Variants in ANKRD55 observed in about 807,000 individuals in gnomAD.
The protein encoded by ANKRD55 is ankyrin repeat domain 55.
A neutral mutation model predicts 60.6 loss-of-function variants in ANKRD55; 41 were observed. That is an observed-to-expected ratio of 0.68 (90% CI 0.53 to 0.88). The LOEUF (loss-of-function observed/expected upper bound fraction) is 0.88. ANKRD55 is among the 40% of genes least tolerant of loss of function. The probability of loss-of-function intolerance (pLI) is 0.00; values close to 1 mark genes in which losing one functional copy is unlikely to be tolerated. For missense variants in ANKRD55, 732 were observed against 767.6 expected (o/e 0.95, Z 0.55); for synonymous variants, 264 against 290.3 (o/e 0.91, Z 0.92).
chr5:56,228,570 C>T (rs982633663), intron 2 of ANKRD55, among the ~76,000 whole-genome samples: 5 of 151,924 alleles, frequency 3.3e-5, no homozygotes, highest in African/African-American at 1.2e-4. Flanking sequence ...GGACTACAGG[C>T]GCATGACACC....
chr5:56,137,254 A>C, intron 7 of ANKRD55: 1 of 1,604,516 alleles, frequency 6.2e-7, no homozygotes, highest in Middle Eastern at 2.1e-4. Context: ...TTTTTGCTGC[A>C]CATGCTTAAA....
chr5:56,104,831 A>G (rs1756406689), intron 10 of ANKRD55, among the ~76,000 whole-genome samples: 1 of 152,210 alleles, frequency 6.6e-6, no homozygotes, highest in Non-Finnish European at 1.5e-5. Context: ...TTGAAGCTCC[A>G]TGAGTAGTGC....
rs562064865 is a variant in ANKRD55 at position 56,178,231 on chromosome 5, C to A, written c.182-1949G>T. On this transcript the variant is annotated intron_variant, in intron 3 of 11. Transcript: ENST00000341048. ...TTGAGACGGCATCTTGCTCTGTTGC[C>A]CAGGCTGGAGTGCAGTGGTGTGATC... Among the ~76,000 whole-genome samples, 15 of 151,248 alleles carry A rather than the reference C, an allele frequency of 9.9e-5. No homozygotes were observed. The South Asian group carries it at 2.3e-3, about 23-fold the overall frequency.
At chr5:56,215,673 T>A (rs1759787247) in intron 2 of ANKRD55, among the ~76,000 whole-genome samples, 1 of 152,190 alleles carries the variant, frequency 6.6e-6, no homozygotes, top group African/African-American at 2.4e-5. Flanking sequence ...GAAGCCTGAG[T>A]TAACATGACA....
At chr5:56,221,665 A>G (rs138476621) in intron 2 of ANKRD55, among the ~76,000 whole-genome samples, 137 of 152,358 alleles carry the variant, frequency 9.0e-4, no homozygotes, top group African/African-American at 3.1e-3. Flanking sequence ...TGCTTTTCCA[A>G]CCATCTTAGC....
At chr5:56,134,269 G>A (rs1412860766) in intron 7 of ANKRD55, among the ~76,000 whole-genome samples, 1 of 115,400 alleles carries the variant, frequency 8.7e-6, no homozygotes, top group Non-Finnish European at 2.1e-5. Flanking sequence ...ATCTGAATAC[G>A]TTTATGTCTA....
intron 8 of ANKRD55, among the ~76,000 whole-genome samples, chr5:56,120,899 CA>C (rs34532327): frequency 0.034 from 2,739 of 81,084 alleles, 28 homozygotes; most frequent in African/African-American, 0.063. Context: ...GACTCCGTCT[CA>C]AAAAAAAAAA....
intron 5 of ANKRD55, among the ~76,000 whole-genome samples, chr5:56,165,728 G>A (rs112104491): frequency 9.9e-5 from 15 of 152,190 alleles, no homozygotes; most frequent in African/African-American, 3.6e-4. Context: ...TTGGGAGTTC[G>A]AGACCAGCCT....
intron 4 of ANKRD55, among the ~76,000 whole-genome samples, chr5:56,171,328 T>A (rs35930212): frequency 0.068 from 10,429 of 152,274 alleles, 502 homozygotes; most frequent in African/African-American, 0.13. Flanking sequence ...TTCCAAAGGT[T>A]TCCCATTGCT....
chr5:56,170,585 A>T, intron 5 of ANKRD55, 109 bp downstream of exon 5: 177 of 740,428 alleles, frequency 2.4e-4, no homozygotes, highest in Non-Finnish European at 3.1e-4. Context: ...AAAAAAAAAG[A>T]TGGTTTTCTT....
intron 6 of ANKRD55, among the ~76,000 whole-genome samples, chr5:56,151,777 C>A (rs1758052362): frequency 6.7e-6 from 1 of 149,560 alleles, no homozygotes; most frequent in African/African-American, 2.5e-5. Flanking sequence ...AGTGCCACTG[C>A]ATTCTAGCCT....
rs1554040810 is a variant in ANKRD55 at position 56,166,153 on chromosome 5, T to TCCTTC, written c.422+4540_422+4541insGAAGG. Among the ~76,000 whole-genome samples, 141 of 49,436 alleles carry TCCTTC rather than the reference T, an allele frequency of 2.9e-3. 6 individuals are homozygous for TCCTTC. The highest frequency in any genetic ancestry group is 5.5e-3 in the Admixed American group (26 of 4,690). The allele number at this position is 49,436 out of a possible 152,430, so 32.4% of individuals were successfully genotyped here. ...TTCTTTCTTTCTTTCTTTCTTTCTT[T>TCCTTC]CTTCTTTCCTTCCTTCCTTCCTTCC... is the stretch of plus-strand genomic sequence containing the variant. On this transcript the variant is annotated intron_variant, in intron 5 of 11. Transcript: ENST00000341048.
At chr5:56,156,449 G>T (rs985903266) in intron 6 of ANKRD55, among the ~76,000 whole-genome samples, 3 of 152,256 alleles carry the variant, frequency 2.0e-5, no homozygotes, top group Non-Finnish European at 4.4e-5. Context: ...GCACCGCCAG[G>T]TGCCTCCTGG....
rs779003802 is a variant in ANKRD55 at position 56,170,828 on chromosome 5, A to G, written c.313-25T>C. 6 of 1,596,720 alleles carry G rather than the reference A, an allele frequency of 3.8e-6. No individual in the cohort carries two copies. In the Admixed American group the frequency reaches 6.7e-5, roughly 18 times the overall value. On this transcript the variant is annotated intron_variant, in intron 4 of 11. Coordinates refer to ENST00000341048, the MANE Select transcript of ANKRD55 (RefSeq NM_024669.3). ...CCTGAAATACAAGAGCAACCACATCATTATATAACAGAAGCTCACGTAACA... is the reference window on the plus strand; with the variant it reads ...CCTGAAATACAAGAGCAACCACATCGTTATATAACAGAAGCTCACGTAACA...
intron 2 of ANKRD55, among the ~76,000 whole-genome samples, chr5:56,216,246 G>T (rs925159860): frequency 1.2e-4 from 19 of 152,062 alleles, no homozygotes; most frequent in Admixed American, 6.6e-5. Flanking sequence ...CCCATGGACC[G>T]CATCCACAGA....
chr5:56,197,374 C>T (rs1227156559), intron 2 of ANKRD55, among the ~76,000 whole-genome samples: 4 of 152,044 alleles, frequency 2.6e-5, no homozygotes, highest in African/African-American at 9.7e-5. Context: ...AAATCAGTGT[C>T]ATCAAAAAGG....
In ANKRD55 at chr5:56,100,221, T is replaced by G; in HGVS notation, c.1807A>C (p.Ser603Arg). 6.2e-7 allele frequency: 1 copy of G among 1,614,206 alleles called. No homozygotes were observed. The highest frequency in any genetic ancestry group is 8.5e-7 in the Non-Finnish European group (1 of 1,180,016). The change falls in exon 12 of 12, where the codon AGT becomes CGT. Residue 603 changes from serine (S) to arginine (R), a missense_variant. Physicochemically the swap from Ser to Arg is moderately radical, Grantham distance 110. Transcript: ENST00000341048. ...QRRHSTAAEE[S>R]EHSANPTSDE... ...CTGGTGGGGTTGGCAGAATGTTCACTCTCTTCTGCTGCTGTGCTGTGTCTT... is the reference window on the plus strand; with the variant it reads ...CTGGTGGGGTTGGCAGAATGTTCACGCTCTTCTGCTGCTGTGCTGTGTCTT...
chr5:56,226,891 G>T (rs1760125884), intron 2 of ANKRD55, among the ~76,000 whole-genome samples: 1 of 152,200 alleles, frequency 6.6e-6, no homozygotes, highest in Non-Finnish European at 1.5e-5. Context: ...CTGTTGGTGG[G>T]ACTGTAAACT....
chr5:56,113,583 G>A (rs1241339334), intron 9 of ANKRD55, among the ~76,000 whole-genome samples: 2 of 152,062 alleles, frequency 1.3e-5, no homozygotes, highest in African/African-American at 2.4e-5. Flanking sequence ...TTTATGCCTT[G>A]CAGACAAACT....
Sources: allele counts gnomAD v4.1 joint callset (sites outside exome capture counted in the v4.1 genomes callset), GRCh38; gene constraint gnomAD v4.1.1; transcripts MANE v1.5; gene names NCBI Gene and HGNC (gene_info 2026-07-23, HGNC 2026-07-21).